The following SPMIP3 variants were observed in gnomAD, a reference collection of about 807,000 sequenced individuals.
The protein encoded by SPMIP3 is protein SPMIP3.
the SPMIP3 span, among the ~76,000 whole-genome samples, chr1:244,379,625 A>T: frequency 1.3e-5 from 2 of 152,154 alleles, no homozygotes; most frequent in Admixed American, 1.3e-4. Context: ...TGACATTTGG[A>T]GGCATGTTTC....
At chr1:244,364,554 A>G in the SPMIP3 span, 1 of 728,820 alleles carries the variant, frequency 1.4e-6, no homozygotes, top group East Asian at 2.6e-5. Flanking sequence ...AATAGCCTAT[A>G]TGCATAGTCC....
chr1:244,355,865 C>T, the SPMIP3 span, among the ~76,000 whole-genome samples: 1 of 152,282 alleles, frequency 6.6e-6, no homozygotes, highest in South Asian at 2.1e-4. Context: ...TTATAGTTTT[C>T]AGCATACAAA....
the SPMIP3 span, among the ~76,000 whole-genome samples, chr1:244,374,285 C>T: frequency 6.6e-6 from 1 of 152,166 alleles, no homozygotes; most frequent in African/African-American, 2.4e-5. Context: ...CCCTCCCAGT[C>T]CCCACATGTT....
At chr1:244,366,341 AT>A in the SPMIP3 span, among the ~76,000 whole-genome samples, 1 of 151,938 alleles carries the variant, frequency 6.6e-6, no homozygotes, top group Non-Finnish European at 1.5e-5. Context: ...TAATTTTTAA[AT>A]TTTTTGTAGA....
At chr1:244,364,193 C>T in the SPMIP3 span, among the ~76,000 whole-genome samples, 331 of 152,228 alleles carry the variant, frequency 2.2e-3, 4 homozygotes, top group African/African-American at 7.5e-3. Context: ...CAAGCTCCGC[C>T]TCCCGGGTTC....
the SPMIP3 span, among the ~76,000 whole-genome samples, chr1:244,369,790 T>A: frequency 1.3e-5 from 2 of 152,222 alleles, no homozygotes; most frequent in Non-Finnish European, 2.9e-5. Context: ...GCTGTTTGCA[T>A]GGCACGTGAA....
chr1:244,380,610 A>G, the SPMIP3 span, among the ~76,000 whole-genome samples: 1 of 152,224 alleles, frequency 6.6e-6, no homozygotes, highest in Non-Finnish European at 1.5e-5. Flanking sequence ...TAGGAGAAGC[A>G]GAATTCAGCC....
the SPMIP3 span, among the ~76,000 whole-genome samples, chr1:244,365,692 T>C: frequency 6.6e-6 from 1 of 152,110 alleles, no homozygotes; most frequent in African/African-American, 2.4e-5. Flanking sequence ...GGGAAAGTTG[T>C]AAGAAAAAGA....
the SPMIP3 span, among the ~76,000 whole-genome samples, chr1:244,360,541 CACACACACACACACACATGCAT>C: frequency 0.011 from 724 of 63,516 alleles, 23 homozygotes; most frequent in African/African-American, 0.035. Context: ...CACACACACA[CACACACACACACACACATGCAT>C]GCATGGAATA....
chr1:244,360,822 T>C, the SPMIP3 span, among the ~76,000 whole-genome samples: 1 of 150,284 alleles, frequency 6.7e-6, no homozygotes, highest in Non-Finnish European at 1.5e-5. Flanking sequence ...AGGCGGAGAT[T>C]GCAGTGAGCT....
chr1:244,374,832 A>C, the SPMIP3 span, among the ~76,000 whole-genome samples: 1 of 151,950 alleles, frequency 6.6e-6, no homozygotes, highest in Admixed American at 6.6e-5. Context: ...TCCTGACCCC[A>C]AGTGATCCAC....
the SPMIP3 span, among the ~76,000 whole-genome samples, chr1:244,382,697 G>A: frequency 7.2e-6 from 1 of 138,396 alleles, no homozygotes; most frequent in African/African-American, 2.6e-5. Flanking sequence ...TCCACCTCCC[G>A]GGTTCAAGCG....
chr1:244,385,362 T>C, the SPMIP3 span, among the ~76,000 whole-genome samples: 1 of 152,224 alleles, frequency 6.6e-6, no homozygotes, highest in Non-Finnish European at 1.5e-5. Context: ...GCACATATAA[T>C]TTCATTGATT....
the SPMIP3 span, among the ~76,000 whole-genome samples, chr1:244,370,018 T>G: frequency 3.3e-5 from 5 of 152,182 alleles, no homozygotes; most frequent in African/African-American, 1.2e-4. Context: ...TGCTTATTCA[T>G]GTCTGCAGCA....
the SPMIP3 span, among the ~76,000 whole-genome samples, chr1:244,361,419 G>C: frequency 6.6e-6 from 1 of 151,794 alleles, no homozygotes; most frequent in Non-Finnish European, 1.5e-5. Flanking sequence ...AGTAAAGACG[G>C]GGTTTCATCA....
the SPMIP3 span, among the ~76,000 whole-genome samples, chr1:244,364,445 T>C: frequency 4.8e-3 from 737 of 152,266 alleles, 8 homozygotes; most frequent in African/African-American, 0.016. Flanking sequence ...ATTTAATTTT[T>C]TTTTACTTTT....
At chr1:244,354,079 G>A in the SPMIP3 span, among the ~76,000 whole-genome samples, 2 of 152,120 alleles carry the variant, frequency 1.3e-5, no homozygotes, top group Admixed American at 6.5e-5. Flanking sequence ...AATGCATCCA[G>A]AAAGTCAACG....
chr1:244,379,227 CTT>C, the SPMIP3 span, among the ~76,000 whole-genome samples: 35 of 139,962 alleles, frequency 2.5e-4, no homozygotes, highest in Admixed American at 2.9e-4. Flanking sequence ...TGCGCCCGGC[CTT>C]TTTTTTTTTT....
the SPMIP3 span, chr1:244,375,314 C>T: frequency 7.2e-7 from 1 of 1,380,704 alleles, no homozygotes; most frequent in Non-Finnish European, 1.0e-6. Flanking sequence ...TGGCATTCTT[C>T]TGGAATGAAC....
Sources: allele counts gnomAD v4.1 joint callset (sites outside exome capture counted in the v4.1 genomes callset), GRCh38; gene constraint gnomAD v4.1.1; transcripts MANE v1.5; gene names NCBI Gene and HGNC (gene_info 2026-07-23, HGNC 2026-07-21).